The following GNG7 variants were observed in gnomAD, a reference collection of about 807,000 sequenced individuals.
The protein encoded by GNG7 is G protein subunit gamma 7, also known as guanine nucleotide-binding protein G(I)/G(S)/G(O) subunit gamma-7.
In GNG7, 1 loss-of-function variant was observed where a neutral mutation model predicts 4.0. That is an observed-to-expected ratio of 0.25 (90% CI 0.09 to 1.18). The LOEUF (loss-of-function observed/expected upper bound fraction) is 1.18, where lower values mean the gene tolerates loss of function less well. Among genes scored for constraint, GNG7 ranks in the 50% most tolerant of loss-of-function variants. The probability of loss-of-function intolerance (pLI) is 0.50; values close to 1 mark genes in which losing one functional copy is unlikely to be tolerated. For synonymous variants in GNG7, 34 were observed against 36.9 expected (o/e 0.92, Z 0.29); for missense variants, 86 against 91.9 (o/e 0.94, Z 0.26).
intron 3 of GNG7, among the ~76,000 whole-genome samples, chr19:2,529,338 T>C (rs2003529): frequency 0.43 from 64,979 of 151,942 alleles, 14,057 homozygotes; most frequent in South Asian, 0.48. Context: ...TGCCTCAGCC[T>C]CCCGGAGTAG....
rs1253919288 is a variant in GNG7, at chr19:2,633,066, A to G, written c.-78+13158T>C. Among the ~76,000 whole-genome samples, 4 of 152,184 alleles carry G rather than the reference A, an allele frequency of 2.6e-5. No homozygotes were observed. Among genetic ancestry groups the G allele is most frequent in the Non-Finnish European group, 4.4e-5 (3 of 68,038 alleles). On this transcript the variant is annotated intron_variant, in intron 2 of 4. Transcript: ENST00000382159. The surrounding 1 kb of genome is among the most constrained non-coding windows in gnomAD (Gnocchi z 5.9). Reference sequence around the variant, plus strand: ...TGCACCTTAACCATCTATGACACGCATCCCCAGGCGGCACCGGGAGTGTCT... The same window carrying G: ...TGCACCTTAACCATCTATGACACGCGTCCCCAGGCGGCACCGGGAGTGTCT...
intron 2 of GNG7, among the ~76,000 whole-genome samples, chr19:2,559,579 A>AT (rs1979673222): frequency 6.6e-6 from 1 of 151,782 alleles, no homozygotes; most frequent in South Asian, 2.1e-4. Flanking sequence ...ACAATGGTGG[A>AT]TGTCGGCTCA....
intron 2 of GNG7, among the ~76,000 whole-genome samples, chr19:2,585,444 G>GA: frequency 6.6e-6 from 1 of 151,714 alleles, no homozygotes; most frequent in East Asian, 1.9e-4. Context: ...AATAATAAAA[G>GA]AAAAAATAGG....
At chr19:2,529,454 G>A (rs1042164240) in intron 3 of GNG7, among the ~76,000 whole-genome samples, 4 of 152,052 alleles carry the variant, frequency 2.6e-5, no homozygotes, top group African/African-American at 9.7e-5. Flanking sequence ...CTGACCTCAG[G>A]TGATCCACCT....
intron 1 of GNG7, among the ~76,000 whole-genome samples, chr19:2,701,796 G>A (rs935350643): frequency 2.3e-5 from 3 of 132,474 alleles, no homozygotes; most frequent in Non-Finnish European, 3.2e-5. Flanking sequence ...CCTGTTCCCC[G>A]CTCCAATTAA....
At chr19:2,694,710 G>A (rs1408830350) in intron 1 of GNG7, among the ~76,000 whole-genome samples, 1 of 152,042 alleles carries the variant, frequency 6.6e-6, no homozygotes, top group Non-Finnish European at 1.5e-5. Context: ...ACCTCAGCAG[G>A]GCAGAGGATC....
In GNG7 at chr19:2,633,512, C is replaced by T. The variant is rs972661820; in HGVS notation, c.-78+12712G>A. ...GCACACACACACACACACACACACACACACACACACACGAGAGGTGGCTGT... is the reference window on the plus strand; with the variant it reads ...GCACACACACACACACACACACACATACACACACACACGAGAGGTGGCTGT... On this transcript the variant is annotated intron_variant, in intron 2 of 4. Transcript: ENST00000382159. This position sits in a 1 kb window ranked among gnomAD's most constrained non-coding sequence, Gnocchi z 5.9. Among the ~76,000 whole-genome samples, 2 of 149,806 alleles carry T rather than the reference C, an allele frequency of 1.3e-5. No homozygotes were observed. The highest frequency in any genetic ancestry group is 5.0e-5 in the African/African-American group (2 of 40,290).
At chr19:2,596,116 T>C (rs1314651540) in intron 2 of GNG7, among the ~76,000 whole-genome samples, 1 of 152,134 alleles carries the variant, frequency 6.6e-6, no homozygotes, top group Non-Finnish European at 1.5e-5. Context: ...CTCAGCACTT[T>C]GAGAGGCCGA....
At chr19:2,587,399 G>A (rs755542312) in intron 2 of GNG7, among the ~76,000 whole-genome samples, 17 of 152,092 alleles carry the variant, frequency 1.1e-4, no homozygotes, top group Admixed American at 5.9e-4. Flanking sequence ...AGGGCTCCCC[G>A]GGCACAATGT....
Position 2,513,520 on chromosome 19 carries a change from C to A in GNG7, c.*1502G>T, listed in dbSNP as rs989083198. ...GCAGTCATCTTTCAGAAGCCTCCCCCCGACCCCATGACATCTTCGATTTCC... is the reference window on the plus strand; with the variant it reads ...GCAGTCATCTTTCAGAAGCCTCCCCACGACCCCATGACATCTTCGATTTCC... On this transcript the variant is annotated 3_prime_UTR_variant, in exon 5 of 5. Transcript: ENST00000382159. The A allele has an allele frequency of 2.0e-6, 2 of 985,528 alleles. No individual in the cohort carries two copies. The highest frequency in any genetic ancestry group is 2.4e-6 in the Non-Finnish European group (2 of 830,110). 61.0% of individuals were successfully genotyped at this position (985,528 alleles called of 1,614,324 possible).
chr19:2,611,356 T>TCTCCCGGGAGCTGGA lies in GNG7; in HGVS notation c.-78+34867_-78+34868insTCCAGCTCCCGGGAG, dbSNP rs1981558505. ...CCAGGACAGGTCTCCCGGGAGCTGGTCTGTGCTGCCACCTGCTGGTCATGG... is the reference window on the plus strand; with the variant it reads ...CCAGGACAGGTCTCCCGGGAGCTGGTCTCCCGGGAGCTGGACTGTGCTGCCACCTGCTGGTCATGG... On this transcript the variant is annotated intron_variant, in intron 2 of 4. Coordinates refer to ENST00000382159, the MANE Select transcript of GNG7 (RefSeq NM_052847.3). This position sits in a 1 kb window ranked among gnomAD's most constrained non-coding sequence, Gnocchi z 6.0. The TCTCCCGGGAGCTGGA allele has an allele frequency of 1.3e-5, 2 of 152,142 alleles. No individual in the cohort carries two copies. Among genetic ancestry groups the TCTCCCGGGAGCTGGA allele is most frequent in the Non-Finnish European group, 2.9e-5 (2 of 68,100 alleles). The allele number at this position is 152,142 out of a possible 1,614,324, so 9.4% of individuals were successfully genotyped here. A position where few individuals can be genotyped will look rare whatever the true frequency, so the allele number is the denominator to read the frequency against.
intron 1 of GNG7, among the ~76,000 whole-genome samples, chr19:2,647,091 C>T (rs577259544): frequency 3.3e-5 from 5 of 152,314 alleles, no homozygotes; most frequent in South Asian, 2.1e-4. Flanking sequence ...CTCCCCACCT[C>T]GGGGGACTCG....
chr19:2,645,283 G>C (rs964490413), intron 2 of GNG7, among the ~76,000 whole-genome samples: 3 of 145,092 alleles, frequency 2.1e-5, no homozygotes, highest in African/African-American at 7.7e-5. Context: ...CTGTCACCCA[G>C]GCTGGAGCGC....
intron 1 of GNG7, among the ~76,000 whole-genome samples, chr19:2,689,212 G>GAAA (rs35779947): frequency 6.7e-6 from 1 of 150,344 alleles, no homozygotes. Context: ...AAAAAAGGGG[G>GAAA]AAAAAAATGC....
intron 2 of GNG7, among the ~76,000 whole-genome samples, chr19:2,595,689 C>T (rs1292427496): frequency 4.0e-5 from 6 of 149,660 alleles, no homozygotes; most frequent in South Asian, 2.1e-4. Context: ...GAGCCAAGAT[C>T]GCACCACTGC....
chr19:2,614,679 A>G lies in GNG7; in HGVS notation c.-78+31545T>C, dbSNP rs370264761. ...GTGTGGAGGGCCACGCTGTTTATCTATTTACCCACGGACGGACACTTGGGT... is the reference window on the plus strand; with the variant it reads ...GTGTGGAGGGCCACGCTGTTTATCTGTTTACCCACGGACGGACACTTGGGT... On this transcript the variant is annotated intron_variant, in intron 2 of 4. Coordinates refer to ENST00000382159, the MANE Select transcript of GNG7 (RefSeq NM_052847.3). The surrounding 1 kb of genome is among the most constrained non-coding windows in gnomAD (Gnocchi z 6.0). 7.9e-5 allele frequency among the ~76,000 whole-genome samples: 12 copies of G among 151,956 alleles called. No individual in the cohort carries two copies. Among genetic ancestry groups the G allele is most frequent in the African/African-American group, 2.9e-4 (12 of 41,338 alleles).
At chr19:2,539,899 C>T (rs2872598) in intron 3 of GNG7, among the ~76,000 whole-genome samples, 18 of 103,582 alleles carry the variant, frequency 1.7e-4, no homozygotes, top group South Asian at 3.5e-4. Context: ...CTTCCTTCCT[C>T]CTTCCCTCCC....
intron 2 of GNG7, among the ~76,000 whole-genome samples, chr19:2,578,998 G>T (rs1980422913): frequency 6.6e-6 from 1 of 152,226 alleles, no homozygotes; most frequent in Non-Finnish European, 1.5e-5. Flanking sequence ...TCGCTTGTCT[G>T]CGAGAGGCCA....
At chr19:2,573,011 A>C (rs1469130436) in intron 2 of GNG7, among the ~76,000 whole-genome samples, 8 of 149,406 alleles carry the variant, frequency 5.4e-5, no homozygotes, top group African/African-American at 2.0e-4. Flanking sequence ...CTGTTCTGGA[A>C]ATTTCTCCTT....
Sources: allele counts gnomAD v4.1 joint callset (sites outside exome capture counted in the v4.1 genomes callset), GRCh38; gene constraint gnomAD v4.1.1; non-coding constraint Gnocchi (gnomAD v3.1); transcripts MANE v1.5; gene names NCBI Gene and HGNC (gene_info 2026-07-23, HGNC 2026-07-21).